Variants in SYCE1 observed in about 807,000 individuals in gnomAD.
The protein encoded by SYCE1 is synaptonemal complex central element protein 1.
In SYCE1, 37 loss-of-function variants were observed where a neutral mutation model predicts 55.1. That is an observed-to-expected ratio of 0.67 (90% CI 0.52 to 0.88). The LOEUF (loss-of-function observed/expected upper bound fraction) is 0.88, where lower values mean the gene tolerates loss of function less well. Among genes scored for constraint, SYCE1 ranks in the 40% least tolerant of loss-of-function variants. The pLI is 0.00. For missense variants in SYCE1, 399 were observed against 416.4 expected (o/e 0.96, Z 0.36); for synonymous variants, 163 against 159.4 (o/e 1.02, Z -0.17).
chr10:133,566,067 C>T (rs879473265), upstream of SYCE1, among the ~76,000 whole-genome samples: 1 of 152,220 alleles, frequency 6.6e-6, no homozygotes, highest in African/African-American at 2.4e-5. Context: ...GCGTAGCCTG[C>T]CCCTAGGCCG....
chr10:133,557,003 A>G lies in SYCE1; in HGVS notation c.464+64T>C, dbSNP rs910933667. On this transcript the variant is annotated intron_variant, in intron 7 of 12. Transcript: ENST00000343131. ...AGTGTAGCCAGCTTTTCTAACCCCC[A>G]TCTTTGACATTATATCCCAACTACT... The G allele has an allele frequency of 4.5e-5, 70 of 1,542,528 alleles. 1 individual carries two copies. The highest frequency in any genetic ancestry group is 3.9e-4 in the South Asian group (35 of 89,422).
intron 6 of SYCE1, chr10:133,557,573 A>G: frequency 1.9e-6 from 1 of 530,234 alleles, no homozygotes; most frequent in Non-Finnish European, 3.4e-6. Context: ...ATGAACAGAC[A>G]GATGAGTGAA....
downstream of SYCE1, chr10:133,554,136 G>A (rs2133610571): frequency 1.8e-6 from 1 of 566,574 alleles, no homozygotes; most frequent in Non-Finnish European, 3.1e-6. Context: ...TGATTTAAAA[G>A]TCATGTTTGA....
chr10:133,559,882 T>C, intron 2 of SYCE1: 1 of 562,906 alleles, frequency 1.8e-6, no homozygotes, highest in East Asian at 3.1e-5. Flanking sequence ...GGACAGGGTT[T>C]TGGGAAAACA....
At chr10:133,562,233 AG>A (rs1222215184) in intron 1 of SYCE1, among the ~76,000 whole-genome samples, 1 of 151,590 alleles carries the variant, frequency 6.6e-6, no homozygotes. Context: ...AATGGTTAAA[AG>A]TCATCTTAAT....
intron 8 of SYCE1, 24 bp downstream of exon 8, chr10:133,556,735 G>T (rs372667465): frequency 1.3e-6 from 2 of 1,554,726 alleles, no homozygotes; most frequent in Non-Finnish European, 1.7e-6. Flanking sequence ...GTGGAAGGGG[G>T]AGGAGTGGCT....
intron 6 of SYCE1, 156 bp from the exon 7 acceptor site, chr10:133,557,312 GC>G (rs1851708957): frequency 3.0e-6 from 2 of 665,472 alleles, no homozygotes; most frequent in South Asian, 3.6e-5. Flanking sequence ...ATGACCATTT[GC>G]CCCCTGGAAG....
chr10:133,567,458 G>A (rs1327878761), upstream of SYCE1, among the ~76,000 whole-genome samples: 4 of 152,048 alleles, frequency 2.6e-5, no homozygotes, highest in Middle Eastern at 3.4e-3. Flanking sequence ...GGTAGGGGTT[G>A]TGCTTAGTTT....
At chr10:133,557,940 C>T (rs765259859) in intron 5 of SYCE1, 22 bp from the exon 6 acceptor site, 2 of 1,613,706 alleles carry the variant, frequency 1.2e-6, no homozygotes, top group South Asian at 1.1e-5. Flanking sequence ...GCAACAGGGC[C>T]CTATGAGAAC....
In SYCE1 at chr10:133,556,055, G is replaced by T. The variant is rs1199683166; in HGVS notation, c.529-8C>A. ...TGCCAGCCGCTCTGGCATCTGAGGG[G>T]CAGAAAAGAGGCCTGTCCACTCCTC... On this transcript the variant is annotated splice_polypyrimidine_tract_variant and splice_region_variant and intron_variant, in intron 8 of 12. Transcript: ENST00000343131. The T allele has an allele frequency of 1.2e-6, 2 of 1,612,906 alleles. No individual in the cohort carries two copies. Among genetic ancestry groups the T allele is most frequent in the African/African-American group, 2.7e-5 (2 of 75,030 alleles).
intron 1 of SYCE1, among the ~76,000 whole-genome samples, chr10:133,562,980 AAGGCCG>A (rs1261565488): frequency 2.4e-5 from 3 of 127,116 alleles, no homozygotes; most frequent in Non-Finnish European, 3.6e-5. Flanking sequence ...GGCCAAGGCC[AAGGCCG>A]AGGCACGGTT....
intron 8 of SYCE1, 85 bp from the exon 9 acceptor site, chr10:133,556,132 T>G (rs926470923): frequency 4.7e-6 from 7 of 1,501,576 alleles, no homozygotes; most frequent in African/African-American, 1.4e-5. Flanking sequence ...GTTTCATACT[T>G]ACTCACTATG....
chr10:133,559,110 A>G, intron 3 of SYCE1, 159 bp from the exon 4 acceptor site: 2 of 935,296 alleles, frequency 2.1e-6, no homozygotes, highest in Non-Finnish European at 3.2e-6. Flanking sequence ...TGCTGATAGC[A>G]GGGCCAGGAT....
chr10:133,567,771 G>A, upstream of SYCE1: 1 of 311,340 alleles, frequency 3.2e-6, no homozygotes, highest in Non-Finnish European at 6.5e-6. Context: ...CGGCTCTGGA[G>A]TGTGGCTGGG....
At chr10:133,567,562 G>A (rs1285066599), upstream of SYCE1, among the ~76,000 whole-genome samples, 1 of 151,932 alleles carries the variant, frequency 6.6e-6, no homozygotes, top group African/African-American at 2.4e-5. Context: ...AGCACCTAAC[G>A]TTTTCCCCTT....
At chr10:133,557,680 T>G in intron 6 of SYCE1, 184 bp downstream of exon 6, 2 of 629,602 alleles carry the variant, frequency 3.2e-6, no homozygotes, top group Non-Finnish European at 5.5e-6. Context: ...GTCTTGCCAT[T>G]GAGAGAGTTT....
upstream of SYCE1, chr10:133,568,208 C>T (rs902749077): frequency 6.0e-6 from 7 of 1,159,954 alleles, no homozygotes; most frequent in African/African-American, 2.9e-5. Context: ...GATGCCGAGC[C>T]GGTCCTGTTG....
chr10:133,566,076 C>G (rs79062203), upstream of SYCE1, among the ~76,000 whole-genome samples: 4,254 of 152,272 alleles, frequency 0.028, 180 homozygotes, highest in African/African-American at 0.097. Flanking sequence ...GCCCCTAGGC[C>G]GCGTTCCCGT....
At chr10:133,559,551 TG>T in intron 2 of SYCE1, 191 bp from the exon 3 acceptor site, 1 of 605,564 alleles carries the variant, frequency 1.7e-6, no homozygotes, top group South Asian at 1.9e-5. Flanking sequence ...AGATACCGAA[TG>T]GGGCTGCGGT....
Sources: gnomAD v4.1 joint callset for allele counts (sites outside exome capture counted in the v4.1 genomes callset) on GRCh38, gnomAD v4.1.1 for gene constraint, MANE v1.5 for transcripts, NCBI Gene and HGNC (gene_info 2026-07-23, HGNC 2026-07-21) for gene names.